The following LRP1B variants were observed in gnomAD, a reference collection of about 807,000 sequenced individuals.
The protein encoded by LRP1B is LDL receptor related protein 1B.
Under a neutral mutation model 556.6 loss-of-function variants are expected in LRP1B, and 217 were observed. That is an observed-to-expected ratio of 0.39 (90% CI 0.35 to 0.44). The LOEUF is 0.44. Ranked by LOEUF, LRP1B falls within the 20% of genes least tolerant of loss-of-function variation. The pLI, the probability that LRP1B is intolerant of heterozygous loss-of-function variation, is 1.00. For missense variants in LRP1B, 5,053 were observed against 5,620.8 expected, an observed-to-expected ratio of 0.90 and a Z score of 3.23; for synonymous variants, 2,047 against 1,865.8, an observed-to-expected ratio of 1.10 and a Z score of -2.50.
intron 20 of LRP1B, among the ~76,000 whole-genome samples, chr2:140,934,457 C>T (rs1340295832): frequency 2.0e-5 from 3 of 152,112 alleles, no homozygotes; most frequent in Non-Finnish European, 2.9e-5. Flanking sequence ...CTTTCTAATG[C>T]AAACTATCTT....
At chr2:140,979,409 AC>A (rs1405916198) in intron 18 of LRP1B, among the ~76,000 whole-genome samples, 3 of 152,160 alleles carry the variant, frequency 2.0e-5, no homozygotes, top group Non-Finnish European at 4.4e-5. Flanking sequence ...GGTAATATAT[AC>A]CTGAGACTTC....
At chr2:141,731,699 C>A (rs576175142) in intron 2 of LRP1B, among the ~76,000 whole-genome samples, 1 of 152,100 alleles carries the variant, frequency 6.6e-6, no homozygotes. Context: ...CCAGACTCCA[C>A]CATCTACCAA....
At chr2:140,602,144 G>C (rs1357654939) in intron 41 of LRP1B, among the ~76,000 whole-genome samples, 1 of 151,804 alleles carries the variant, frequency 6.6e-6, no homozygotes, top group African/African-American at 2.4e-5. Context: ...TCAAACAGTG[G>C]TAGATAATGT....
intron 20 of LRP1B, among the ~76,000 whole-genome samples, chr2:140,929,612 G>T (rs1694987890): frequency 6.6e-6 from 1 of 152,012 alleles, no homozygotes; most frequent in South Asian, 2.1e-4. Flanking sequence ...AATCAGACTT[G>T]CAGTTTATGT....
At chr2:141,315,528 G>C (rs1220204345) in intron 3 of LRP1B, among the ~76,000 whole-genome samples, 1 of 151,550 alleles carries the variant, frequency 6.6e-6, no homozygotes, top group African/African-American at 2.4e-5. Flanking sequence ...CAAAGTGCTG[G>C]GATTACAGGT....
At chr2:141,034,683 C>T (rs1351390844) in intron 11 of LRP1B, among the ~76,000 whole-genome samples, 1 of 149,958 alleles carries the variant, frequency 6.7e-6, no homozygotes, top group Non-Finnish European at 1.5e-5. Flanking sequence ...GTTAGAATGG[C>T]AATCATTAAA....
At chr2:141,385,405 C>A (rs1240280695) in intron 3 of LRP1B, among the ~76,000 whole-genome samples, 1 of 152,126 alleles carries the variant, frequency 6.6e-6, no homozygotes, top group African/African-American at 2.4e-5. Flanking sequence ...AATTCCCTAT[C>A]TCTGGTCCCA....
At chr2:141,552,779 T>TA (rs942377030) in intron 2 of LRP1B, among the ~76,000 whole-genome samples, 2 of 142,558 alleles carry the variant, frequency 1.4e-5, no homozygotes, top group Non-Finnish European at 3.0e-5. Context: ...ATTAAACCAA[T>TA]AAAAAAAATT....
intron 87 of LRP1B, among the ~76,000 whole-genome samples, chr2:140,240,909 C>T (rs1680920629): frequency 1.3e-5 from 2 of 150,850 alleles, no homozygotes; most frequent in Non-Finnish European, 3.0e-5. Context: ...GTTTTAAGGG[C>T]TTTATAGCCA....
rs532639522 is a variant in LRP1B at position 141,451,396 on chromosome 2, C to T, written c.343+29000G>A. 2.7e-3 allele frequency among the ~76,000 whole-genome samples: 410 copies of T among 152,142 alleles called. 4 individuals carry two copies. The highest frequency in any genetic ancestry group is 9.5e-3 in the African/African-American group (395 of 41,498). On this transcript the variant is annotated intron_variant, in intron 3 of 90. Coordinates refer to ENST00000389484, the MANE Select transcript of LRP1B (RefSeq NM_018557.3). ...GAACAGAGACTGATTATTTAAATTA[C>T]AAAATAATACACTATAATAATTGTA... is the stretch of plus-strand genomic sequence containing the variant.
At chr2:141,434,288 C>T (rs1680674825) in intron 3 of LRP1B, among the ~76,000 whole-genome samples, 1 of 151,908 alleles carries the variant, frequency 6.6e-6, no homozygotes, top group African/African-American at 2.4e-5. Flanking sequence ...AACTTTTTTC[C>T]TCTTGTTCTT....
At position 140,252,652 on chromosome 2, in the gene LRP1B, T is replaced by C. The variant is rs560158433; in HGVS notation, c.13248-5490A>G. 2.0e-5 allele frequency among the ~76,000 whole-genome samples: 3 copies of C among 152,196 alleles called. No individual in the cohort carries two copies. The East Asian group carries it at 5.8e-4, about 29-fold the overall frequency. ...AGGCTCTAATTTAAATGTAAAAATA[T>C]TATTTAAACAAATGCAAATAAATGC... On this transcript the variant is annotated intron_variant, in intron 86 of 90. Coordinates refer to ENST00000389484, the MANE Select transcript of LRP1B (RefSeq NM_018557.3).
At chr2:141,109,971 G>A (rs1700707231) in intron 7 of LRP1B, among the ~76,000 whole-genome samples, 2 of 152,150 alleles carry the variant, frequency 1.3e-5, no homozygotes, top group African/African-American at 4.8e-5. Flanking sequence ...TGAGCCAGGG[G>A]CTGCAATGAT....
chr2:141,915,511 G>A (rs563466086), intron 1 of LRP1B, among the ~76,000 whole-genome samples: 321 of 152,214 alleles, frequency 2.1e-3, no homozygotes, highest in Middle Eastern at 3.4e-3. Flanking sequence ...TACCATTCTG[G>A]ACTTTGGCCT....
At chr2:140,721,103 G>A (rs748132908) in intron 35 of LRP1B, among the ~76,000 whole-genome samples, 79 of 152,176 alleles carry the variant, frequency 5.2e-4, no homozygotes, top group African/African-American at 1.9e-3. Context: ...GCAGAATTTA[G>A]ATAACCTTTA....
intron 1 of LRP1B, among the ~76,000 whole-genome samples, chr2:141,844,619 A>T: frequency 6.6e-6 from 1 of 152,196 alleles, no homozygotes; most frequent in South Asian, 2.1e-4. Flanking sequence ...TTCTAATTTT[A>T]CTTACCAAAT....
chr2:141,243,144 TA>T (rs201023265), intron 5 of LRP1B, among the ~76,000 whole-genome samples: 3,919 of 97,506 alleles, frequency 0.04, 60 homozygotes, highest in Non-Finnish European at 0.063. Flanking sequence ...TTATTATTTT[TA>T]TTTTTTTTTT....
chr2:140,313,891 C>T (rs1192329427), intron 83 of LRP1B, among the ~76,000 whole-genome samples: 1 of 151,602 alleles, frequency 6.6e-6, no homozygotes, highest in Non-Finnish European at 1.5e-5. Flanking sequence ...TTTCAGAATG[C>T]TATTAAGTAA....
chr2:142,117,709 C>T (rs572242192), intron 1 of LRP1B, among the ~76,000 whole-genome samples: 2 of 152,118 alleles, frequency 1.3e-5, no homozygotes, highest in South Asian at 4.1e-4. Flanking sequence ...AGGATATTTT[C>T]CATAAAAATT....
Sources: gnomAD v4.1 joint callset for allele counts (sites outside exome capture counted in the v4.1 genomes callset) on GRCh38, gnomAD v4.1.1 for gene constraint, MANE v1.5 for transcripts, NCBI Gene and HGNC (gene_info 2026-07-23, HGNC 2026-07-21) for gene names.